The following MAGI1 variants were observed in gnomAD, a reference collection of about 807,000 sequenced individuals.
The protein encoded by MAGI1 is membrane-associated guanylate kinase, WW and PDZ domain-containing protein 1.
In MAGI1, 58 loss-of-function variants were observed where a neutral mutation model predicts 139.9. The ratio of observed to expected loss-of-function variants is 0.41; its 90% CI spans 0.34 to 0.52. MAGI1 has a LOEUF of 0.52. Among genes scored for constraint, MAGI1 ranks in the 20% least tolerant of loss-of-function variants. The pLI, the probability that MAGI1 is intolerant of heterozygous loss-of-function variation, is 0.12. For missense variants in MAGI1, 1,874 were observed against 1,901.6 expected, an observed-to-expected ratio of 0.99 and a Z score of 0.27; for synonymous variants, 812 against 737.9, an observed-to-expected ratio of 1.10 and a Z score of -1.63.
At chr3:65,489,409 C>T (rs1292191200) in intron 3 of MAGI1, among the ~76,000 whole-genome samples, 2 of 152,128 alleles carry the variant, frequency 1.3e-5, no homozygotes, top group African/African-American at 4.8e-5. Context: ...TGCTTTAAAA[C>T]TGTGCTGCCA....
At chr3:65,604,488 G>A (rs992004281) in intron 2 of MAGI1, among the ~76,000 whole-genome samples, 2 of 152,172 alleles carry the variant, frequency 1.3e-5, no homozygotes, top group South Asian at 2.1e-4. Flanking sequence ...CGATATCAGA[G>A]TTGCTACTGT....
chr3:65,366,207 A>G (rs556586318), intron 18 of MAGI1, among the ~76,000 whole-genome samples: 126 of 152,328 alleles, frequency 8.3e-4, no homozygotes, highest in African/African-American at 3.0e-3. Context: ...TAAGCACTCA[A>G]TACACATTTA....
At chr3:65,420,051 C>A (rs1192292673) in intron 12 of MAGI1, among the ~76,000 whole-genome samples, 1 of 152,166 alleles carries the variant, frequency 6.6e-6, no homozygotes, top group Middle Eastern at 3.2e-3. Context: ...GCTTGAACTA[C>A]TGCAAAAGCC....
At chr3:65,463,126 G>C (rs1311364701) in intron 5 of MAGI1, among the ~76,000 whole-genome samples, 2 of 152,158 alleles carry the variant, frequency 1.3e-5, no homozygotes, top group Non-Finnish European at 2.9e-5. Context: ...TCTCTTGCCT[G>C]ATTGCCCTAG....
chr3:65,360,517 CT>C (rs1203226679), intron 22 of MAGI1: 1 of 985,024 alleles, frequency 1.0e-6, no homozygotes, highest in African/African-American at 1.7e-5. Context: ...TATAACCTGG[CT>C]TTCCTCATAG....
chr3:65,901,540 T>C (rs1220150621), intron 1 of MAGI1, among the ~76,000 whole-genome samples: 1 of 152,246 alleles, frequency 6.6e-6, no homozygotes, highest in Non-Finnish European at 1.5e-5. Context: ...GTGATTTCAA[T>C]TAAAAACATT....
intron 1 of MAGI1, among the ~76,000 whole-genome samples, chr3:65,863,725 A>C (rs1043743348): frequency 6.6e-6 from 1 of 152,230 alleles, no homozygotes; most frequent in Non-Finnish European, 1.5e-5. Context: ...AAAATAGATG[A>C]AAAATCAGCA....
chr3:65,424,394 G>A (rs772988379), intron 12 of MAGI1, among the ~76,000 whole-genome samples: 1 of 152,158 alleles, frequency 6.6e-6, no homozygotes, highest in Non-Finnish European at 1.5e-5. Flanking sequence ...CCCAGGAAGT[G>A]CCAGAGACAC....
At chr3:65,501,596 C>A (rs1181266220) in intron 2 of MAGI1, among the ~76,000 whole-genome samples, 1 of 151,910 alleles carries the variant, frequency 6.6e-6, no homozygotes, top group Non-Finnish European at 1.5e-5. Flanking sequence ...ACTCACATGC[C>A]TTATTGGGAA....
intron 4 of MAGI1, among the ~76,000 whole-genome samples, chr3:65,474,535 T>C (rs1950746229): frequency 6.6e-6 from 1 of 152,116 alleles, no homozygotes; most frequent in South Asian, 2.1e-4. Flanking sequence ...GGAATACACA[T>C]AAAAATCGTT....
At chr3:65,521,486 T>C (rs188500549) in intron 2 of MAGI1, among the ~76,000 whole-genome samples, 1 of 152,198 alleles carries the variant, frequency 6.6e-6, no homozygotes, top group Non-Finnish European at 1.5e-5. Context: ...TAAATACATA[T>C]GCCAACATGC....
At chr3:65,990,459 G>A (rs533943953) in intron 1 of MAGI1, among the ~76,000 whole-genome samples, 2 of 152,298 alleles carry the variant, frequency 1.3e-5, no homozygotes, top group East Asian at 1.9e-4. Flanking sequence ...TTGTTTAGCC[G>A]AAGCTTCTAA....
At chr3:65,549,324 C>T (rs2079696927) in intron 2 of MAGI1, 10 of 639,416 alleles carry the variant, frequency 1.6e-5, no homozygotes, top group Non-Finnish European at 1.8e-5. Flanking sequence ...TCCTCATTCC[C>T]GCCCAGTCTC....
chr3:65,983,633 G>A (rs2065708032), intron 1 of MAGI1, among the ~76,000 whole-genome samples: 1 of 152,042 alleles, frequency 6.6e-6, no homozygotes, highest in African/African-American at 2.4e-5. Context: ...TTTTAAATAA[G>A]TCATTTCCCC....
chr3:65,908,800 T>A (rs550034397), intron 1 of MAGI1, among the ~76,000 whole-genome samples: 19 of 152,292 alleles, frequency 1.2e-4, no homozygotes, highest in African/African-American at 3.6e-4. Context: ...CTCTCCAGCA[T>A]GCCTTATCAT....
chr3:65,863,786 C>A (rs2059630825), intron 1 of MAGI1, among the ~76,000 whole-genome samples: 1 of 152,024 alleles, frequency 6.6e-6, no homozygotes, highest in Non-Finnish European at 1.5e-5. Context: ...ATGGCATATC[C>A]ATAAATTAAA....
At chr3:65,680,403 T>G (rs376625535) in intron 1 of MAGI1, among the ~76,000 whole-genome samples, 3 of 152,312 alleles carry the variant, frequency 2.0e-5, no homozygotes, top group East Asian at 3.9e-4. Flanking sequence ...GGAGAGCTTA[T>G]TGACTGATCA....
intron 5 of MAGI1, among the ~76,000 whole-genome samples, chr3:65,469,088 C>A (rs1950385542): frequency 6.6e-6 from 1 of 152,142 alleles, no homozygotes; most frequent in South Asian, 2.1e-4. Context: ...TCAAACCCAA[C>A]TGTTAATAGA....
chr3:65,878,287 C>T (rs778981881), intron 1 of MAGI1, among the ~76,000 whole-genome samples: 6 of 152,006 alleles, frequency 3.9e-5, no homozygotes, highest in Non-Finnish European at 5.9e-5. Flanking sequence ...GAGGCCAAGG[C>T]GGGCAGATCA....
Sources: gnomAD v4.1 joint callset for allele counts (sites outside exome capture counted in the v4.1 genomes callset) on GRCh38, gnomAD v4.1.1 for gene constraint, MANE v1.5 for transcripts, NCBI Gene and HGNC (gene_info 2026-07-23, HGNC 2026-07-21) for gene names.